The following B4GALT5 variants were observed in gnomAD, a reference collection of about 807,000 sequenced individuals.
B4GALT5 encodes the protein beta-1,4-galactosyltransferase 5, also known as UDP-Gal:beta-GlcNAc beta-1,4-galactosyltransferase 5.
In B4GALT5, 11 loss-of-function variants were observed where a neutral mutation model predicts 45.0. The ratio of observed to expected loss-of-function variants is 0.24; its 90% CI spans 0.15 to 0.40. B4GALT5 has a LOEUF of 0.40. Ranked by LOEUF, B4GALT5 falls within the 10% of genes least tolerant of loss-of-function variation. The pLI is 1.00. For synonymous variants in B4GALT5, 185 were observed against 182.9 expected, an observed-to-expected ratio of 1.01 and a Z score of -0.09; for missense variants, 337 against 500.2, an observed-to-expected ratio of 0.67 and a Z score of 3.11.
intron 7 of B4GALT5, among the ~76,000 whole-genome samples, chr20:49,638,535 G>A (rs959311161): frequency 6.0e-4 from 92 of 152,248 alleles, no homozygotes; most frequent in African/African-American, 2.0e-3. Context: ...ATGTGATGGC[G>A]CAGCTAAATC....
chr20:49,643,780 T>A, intron 3 of B4GALT5, 130 bp from the exon 4 acceptor site: 5 of 889,248 alleles, frequency 5.6e-6, no homozygotes, highest in Non-Finnish European at 8.3e-6. Flanking sequence ...TGGAAGTCCC[T>A]TCCTCTGCTT....
intron 1 of B4GALT5, among the ~76,000 whole-genome samples, chr20:49,700,660 C>T (rs954975487): frequency 3.9e-5 from 6 of 152,154 alleles, no homozygotes; most frequent in Admixed American, 6.5e-5. Flanking sequence ...CACTTGAACA[C>T]AAGCACTGTG....
intron 1 of B4GALT5, among the ~76,000 whole-genome samples, chr20:49,692,071 C>T (rs1369721333): frequency 6.6e-6 from 1 of 152,072 alleles, no homozygotes; most frequent in Admixed American, 6.6e-5. Flanking sequence ...TGTAAAGAGG[C>T]CTCAGACAGT....
intron 1 of B4GALT5, among the ~76,000 whole-genome samples, chr20:49,671,613 G>T (rs1568725343): frequency 6.6e-6 from 1 of 152,136 alleles, no homozygotes; most frequent in Admixed American, 6.5e-5. Flanking sequence ...CAGAATTACA[G>T]GTCATCTGGG....
At chr20:49,638,908 G>A (rs538277870) in intron 7 of B4GALT5, among the ~76,000 whole-genome samples, 1 of 151,788 alleles carries the variant, frequency 6.6e-6, no homozygotes, top group East Asian at 1.9e-4. Flanking sequence ...ATTAAATGGA[G>A]CCACTTAAGA....
At chr20:49,638,753 T>C (rs1173477900) in intron 7 of B4GALT5, among the ~76,000 whole-genome samples, 1 of 152,060 alleles carries the variant, frequency 6.6e-6, no homozygotes, top group African/African-American at 2.4e-5. Context: ...AATGACTACA[T>C]TCGCTTATAG....
rs1568722561 is a variant in B4GALT5, at chr20:49,663,689, A to AT, written c.116-6988_116-6987insA. On this transcript the variant is annotated intron_variant, in intron 1 of 8. Transcript: ENST00000371711. ...ATTCATCTCAAGAAAAAAAAAAAAA[A>AT]AATATATACATATATATATATATAT... 6.5e-4 allele frequency among the ~76,000 whole-genome samples: 56 copies of AT among 86,190 alleles called. 3 individuals carry two copies. Among genetic ancestry groups the AT allele is most frequent in the African/African-American group, 2.5e-3 (54 of 21,516 alleles). The allele number at this position is 86,190 out of a possible 152,430, so 56.5% of individuals were successfully genotyped here. A position where few individuals can be genotyped will look rare whatever the true frequency, so the allele number is the denominator to read the frequency against.
Position 49,637,461 on chromosome 20 carries a change from A to T in B4GALT5, c.918-19T>A. ...CTGTACTCTGTCCAAGACCAAGAGA[A>T]CAGGCTTTTAGATACAACGGTAATA... On this transcript the variant is annotated intron_variant, in intron 7 of 8. Coordinates refer to ENST00000371711, the MANE Select transcript of B4GALT5 (RefSeq NM_004776.4). The T allele has an allele frequency of 6.3e-7, 1 of 1,594,042 alleles. No homozygotes were observed. Among genetic ancestry groups the T allele is most frequent in the Non-Finnish European group, 8.6e-7 (1 of 1,161,794 alleles).
chr20:49,678,806 A>G (rs1470850746), intron 1 of B4GALT5, among the ~76,000 whole-genome samples: 1 of 152,238 alleles, frequency 6.6e-6, no homozygotes, highest in Non-Finnish European at 1.5e-5. Flanking sequence ...TTAACAGCTC[A>G]CTACTAGGCT....
intron 3 of B4GALT5, 49 bp downstream of exon 3, chr20:49,646,916 C>T (rs769389623): frequency 5.0e-6 from 6 of 1,198,584 alleles, no homozygotes; most frequent in Non-Finnish European, 7.3e-6. Flanking sequence ...AGTGCCCTCC[C>T]CTTTATCCAT....
chr20:49,645,118 T>A (rs2085593616), intron 3 of B4GALT5, among the ~76,000 whole-genome samples: 1 of 152,240 alleles, frequency 6.6e-6, no homozygotes, highest in South Asian at 2.1e-4. Flanking sequence ...GGCTCATGCC[T>A]GTAGTCCCAG....
At chr20:49,670,618 C>T (rs535716708) in intron 1 of B4GALT5, among the ~76,000 whole-genome samples, 5 of 152,294 alleles carry the variant, frequency 3.3e-5, no homozygotes, top group African/African-American at 1.2e-4. Flanking sequence ...CAACACTGAA[C>T]TGCTATCTGC....
chr20:49,649,193 G>A (rs571021435), intron 2 of B4GALT5, among the ~76,000 whole-genome samples: 1 of 152,246 alleles, frequency 6.6e-6, no homozygotes, highest in African/African-American at 2.4e-5. Context: ...ACAAGGGAAG[G>A]AACAGAATGC....
chr20:49,693,260 ATATCAAT>A (rs2085824073), intron 1 of B4GALT5, among the ~76,000 whole-genome samples: 1 of 152,228 alleles, frequency 6.6e-6, no homozygotes, highest in South Asian at 2.1e-4. Context: ...AATAGTCAGA[ATATCAAT>A]CACGGTAGCA....
chr20:49,698,273 A>G (rs1255632470), intron 1 of B4GALT5, among the ~76,000 whole-genome samples: 2 of 152,132 alleles, frequency 1.3e-5, no homozygotes. Context: ...CAGTGAGCCG[A>G]GACGGTGGCA....
chr20:49,657,633 A>G (rs1343340010), intron 1 of B4GALT5, among the ~76,000 whole-genome samples: 3 of 152,318 alleles, frequency 2.0e-5, no homozygotes, highest in Middle Eastern at 3.4e-3. Flanking sequence ...GAACATTTAC[A>G]AATCTAAACT....
At chr20:49,659,433 A>ATGGT (rs1470041229) in intron 1 of B4GALT5, among the ~76,000 whole-genome samples, 11 of 152,190 alleles carry the variant, frequency 7.2e-5, no homozygotes, top group Non-Finnish European at 1.6e-4. Context: ...TCTATTACAG[A>ATGGT]CTATCAAAAC....
chr20:49,712,346 G>A (rs1033817363), intron 1 of B4GALT5, among the ~76,000 whole-genome samples: 1 of 151,944 alleles, frequency 6.6e-6, no homozygotes, highest in African/African-American at 2.4e-5. Context: ...GCAGAGATTG[G>A]AATCCAAGTC....
In B4GALT5 at chr20:49,664,421, T is replaced by TACACACACACACAC. The variant is rs55990435; in HGVS notation, c.116-7733_116-7720dup. Among the ~76,000 whole-genome samples, 97 of 128,910 alleles carry TACACACACACACAC rather than the reference T, an allele frequency of 7.5e-4. 1 individual carries two copies. The highest frequency in any genetic ancestry group is 2.3e-3 in the African/African-American group (77 of 34,008). 84.6% of individuals were successfully genotyped at this position (128,910 alleles called of 152,430 possible). A position where few individuals can be genotyped will look rare whatever the true frequency, so the allele number is the denominator to read the frequency against. On this transcript the variant is annotated intron_variant, in intron 1 of 8. Transcript: ENST00000371711. ...TTTTTTTAGAGATGAGGTCTCCAAATACACACACACACACACACACACACA... is the reference window on the plus strand; with the variant it reads ...TTTTTTTAGAGATGAGGTCTCCAAATACACACACACACACACACACACACACACACACACACACA...
Sources: gnomAD v4.1 joint callset for allele counts (sites outside exome capture counted in the v4.1 genomes callset) on GRCh38, gnomAD v4.1.1 for gene constraint, MANE v1.5 for transcripts, NCBI Gene and HGNC (gene_info 2026-07-23, HGNC 2026-07-21) for gene names.